The following SLC6A5 variants were observed in gnomAD, a reference collection of about 807,000 sequenced individuals.
The protein encoded by SLC6A5 is solute carrier family 6 member 5.
Under a neutral mutation model 90.5 loss-of-function variants are expected in SLC6A5, and 58 were observed. The observed-to-expected ratio is 0.64, with a 90% CI of 0.52 to 0.80. The LOEUF is 0.80. Ranked by LOEUF, SLC6A5 falls within the 30% of genes least tolerant of loss-of-function variation. The pLI, the probability that SLC6A5 is intolerant of heterozygous loss-of-function variation, is 0.00. For missense variants in SLC6A5, 1,015 were observed against 1,017.6 expected, an observed-to-expected ratio of 1.00 and a Z score of 0.03; for synonymous variants, 427 against 401.4, an observed-to-expected ratio of 1.06 and a Z score of -0.76.
At chr11:20,612,561 G>A (rs4922785) in intron 5 of SLC6A5, among the ~76,000 whole-genome samples, 152,204 of 152,356 alleles carry the variant, frequency 1, 76,027 homozygotes, top group Non-Finnish European at 1. Flanking sequence ...TCTGTTGCCC[G>A]GGCTGGAGTG....
intron 15 of SLC6A5, among the ~76,000 whole-genome samples, chr11:20,653,049 T>A (rs1286987717): frequency 6.6e-6 from 1 of 152,192 alleles, no homozygotes; most frequent in East Asian, 1.9e-4. Flanking sequence ...CCATCTCTAA[T>A]GTGAAGAATC....
chr11:20,599,780 G>A, intron 1 of SLC6A5, 105 bp downstream of exon 1: 1 of 1,320,038 alleles, frequency 7.6e-7, no homozygotes, highest in Non-Finnish European at 1.1e-6. Flanking sequence ...CATTGGGTGG[G>A]GGGAAAGGGG....
chr11:20,653,377 C>G (rs755849942), intron 15 of SLC6A5, among the ~76,000 whole-genome samples: 1 of 152,284 alleles, frequency 6.6e-6, no homozygotes, highest in South Asian at 2.1e-4. Context: ...GTTTAACAAG[C>G]CCCCTCGTTA....
rs551746847 is a variant in SLC6A5 at position 20,626,659 on chromosome 11, C to T, written c.1261-49C>T. ...GAGCAATGCTCCTTCTGCACAGGTG[C>T]ACTCTGCAGGGCTGCTTCTTCCAGC... On this transcript the variant is annotated intron_variant, in intron 7 of 15. Transcript: ENST00000525748. The T allele has an allele frequency of 3.7e-6, 6 of 1,601,442 alleles. No homozygotes were observed. The South Asian group carries it at 6.6e-5, about 18-fold the overall frequency.
chr11:20,634,358 G>A (rs1303710274), intron 10 of SLC6A5, among the ~76,000 whole-genome samples: 2 of 152,220 alleles, frequency 1.3e-5, no homozygotes, highest in Admixed American at 6.5e-5. Context: ...GGAGTCTGCT[G>A]TAATTTAGCT....
At position 20,626,926 on chromosome 11, in the gene SLC6A5, C is replaced by T. The variant is rs192253517; in HGVS notation, c.1395+84C>T. 22 of 1,050,934 alleles carry T rather than the reference C, an allele frequency of 2.1e-5. No homozygotes were observed. The African/African-American group carries it at 2.5e-4, about 12-fold the overall frequency. The allele number at this position is 1,050,934 out of a possible 1,614,324, so 65.1% of individuals were successfully genotyped here. A position where few individuals can be genotyped will look rare whatever the true frequency, so the allele number is the denominator to read the frequency against. ...GGCAAAAAGGGTTAGACTTCCTCCTCCAGGGAATCCCAGTGTGTGCTTTTA... is the reference window on the plus strand; with the variant it reads ...GGCAAAAAGGGTTAGACTTCCTCCTTCAGGGAATCCCAGTGTGTGCTTTTA... On this transcript the variant is annotated intron_variant, in intron 8 of 15. Coordinates refer to ENST00000525748, the MANE Select transcript of SLC6A5 (RefSeq NM_004211.5).
At chr11:20,627,627 A>G (rs1022282458) in intron 8 of SLC6A5, among the ~76,000 whole-genome samples, 1 of 152,164 alleles carries the variant, frequency 6.6e-6, no homozygotes, top group African/African-American at 2.4e-5. Context: ...TTGATTTTGC[A>G]TCCGTTGTTA....
Position 20,604,271 on chromosome 11 carries a change from C to A in SLC6A5, c.541-15C>A, listed in dbSNP as rs546551639. On this transcript the variant is annotated splice_polypyrimidine_tract_variant and intron_variant, in intron 2 of 15. Transcript: ENST00000525748. ...ACTCGGGGCTGTTATCGACAATGTG[C>A]TTTTCCGCCCCCAGGAGGACGAGCA... 23 of 1,603,764 alleles carry A rather than the reference C, an allele frequency of 1.4e-5. No individual in the cohort carries two copies. The highest frequency in any genetic ancestry group is 1.7e-4 in the Middle Eastern group (1 of 6,020).
chr11:20,614,001 G>A (rs894134625), intron 5 of SLC6A5, among the ~76,000 whole-genome samples: 7 of 152,132 alleles, frequency 4.6e-5, no homozygotes, highest in Non-Finnish European at 7.4e-5. Flanking sequence ...CTCATCCCCA[G>A]TTGAGCACCA....
At position 20,652,357 on chromosome 11, in the gene SLC6A5, G is replaced by A; in HGVS notation, c.2139G>A (p.Trp713Ter). ...ATGGCTCTTACCGCTATCCTAACTGGTCCATGGTGCTCGGATGGCTAATGC... is the reference window on the plus strand; with the variant it reads ...ATGGCTCTTACCGCTATCCTAACTGATCCATGGTGCTCGGATGGCTAATGC... The part of the protein sequence containing the change: ...MTYGSYRYPN[W>*]SMVLGWLMLA... The change falls in exon 15 of 16, where the codon TGG becomes TGA. Residue 713 changes from tryptophan to a stop codon, truncating the protein, a stop_gained. Coordinates refer to ENST00000525748, the MANE Select transcript of SLC6A5 (RefSeq NM_004211.5). LOFTEE classifies it high-confidence loss of function. The A allele has an allele frequency of 6.2e-7, 1 of 1,614,032 alleles. No individual in the cohort carries two copies. Among genetic ancestry groups the A allele is most frequent in the Non-Finnish European group, 8.5e-7 (1 of 1,179,974 alleles).
At chr11:20,600,114 T>C (rs1852429544) in intron 1 of SLC6A5, among the ~76,000 whole-genome samples, 1 of 152,112 alleles carries the variant, frequency 6.6e-6, no homozygotes, top group African/African-American at 2.4e-5. Context: ...GGATTATTCT[T>C]ACAGTGTAAT....
At chr11:20,608,942 C>CTGTGTGTGTG (rs1852637507) in intron 5 of SLC6A5, among the ~76,000 whole-genome samples, 2 of 117,854 alleles carry the variant, frequency 1.7e-5, no homozygotes, top group Non-Finnish European at 3.6e-5. Flanking sequence ...CTCTCTCTCT[C>CTGTGTGTGTG]TCTCTCTCTC....
chr11:20,649,609 A>G (rs1435107644), intron 14 of SLC6A5, among the ~76,000 whole-genome samples: 5 of 152,214 alleles, frequency 3.3e-5, no homozygotes, highest in Non-Finnish European at 7.3e-5. Flanking sequence ...GTGTGCTGGA[A>G]TAGGCTAAGA....
Position 20,659,081 on chromosome 11 carries a change from A to C in SLC6A5, c.*4213A>C, listed in dbSNP as rs572529987. 3.4e-4 allele frequency: 45 copies of C among 134,194 alleles called. No homozygotes were observed. The highest frequency in any genetic ancestry group is 1.1e-3 in the African/African-American group (41 of 36,010). The allele number at this position is 134,194 out of a possible 1,614,324, so 8.3% of individuals were successfully genotyped here. A position where few individuals can be genotyped will look rare whatever the true frequency, so the allele number is the denominator to read the frequency against. On this transcript the variant is annotated 3_prime_UTR_variant, in exon 16 of 16. Transcript: ENST00000525748. ...TATATATATATATATATATATATAT[A>C]TCTTATAGATTACATATTATATACT...
At chr11:20,618,907 A>G (rs1852835780) in intron 7 of SLC6A5, among the ~76,000 whole-genome samples, 2 of 151,600 alleles carry the variant, frequency 1.3e-5, no homozygotes, top group African/African-American at 4.8e-5. Context: ...ACTGCACTTC[A>G]GAGTGACAGG....
chr11:20,601,878 G>C (rs1039953487), intron 2 of SLC6A5, among the ~76,000 whole-genome samples: 1 of 152,224 alleles, frequency 6.6e-6, no homozygotes, highest in African/African-American at 2.4e-5. Context: ...CCTGCCAGAG[G>C]GGCCACGACC....
rs1475481235 is a variant in SLC6A5, at chr11:20,655,681, A to G, written c.*813A>G. ...AGTAGAGCTCCATGCTCATTTCTAC[A>G]TGATATTTAGCACCATGGTTCAATG... On this transcript the variant is annotated 3_prime_UTR_variant, in exon 16 of 16. Transcript: ENST00000525748. The G allele has an allele frequency of 1.3e-5, 2 of 152,238 alleles. No homozygotes were observed. The highest frequency in any genetic ancestry group is 4.8e-5 in the African/African-American group (2 of 41,434). 9.4% of individuals were successfully genotyped at this position (152,238 alleles called of 1,614,324 possible).
chr11:20,615,260 T>A (rs545338243), intron 6 of SLC6A5, among the ~76,000 whole-genome samples: 1 of 152,246 alleles, frequency 6.6e-6, no homozygotes, highest in Admixed American at 6.5e-5. Context: ...TATTTTTTAA[T>A]ATCAGTATTG....
rs200241720 is a variant in SLC6A5, at chr11:20,599,632, G to T, written c.-41G>T. ...CCAAACCCAGTCTTGTCAATAGCGG[G>T]TTTCACCCTCCACCAGTTCAGTCTG... On this transcript the variant is annotated 5_prime_UTR_variant, in exon 1 of 16. Transcript: ENST00000525748. The T allele has an allele frequency of 9.4e-5, 151 of 1,613,984 alleles. 1 individual carries two copies. In the East Asian group the frequency reaches 3.0e-3, roughly 32 times the overall value.
Sources: allele counts gnomAD v4.1 joint callset (sites outside exome capture counted in the v4.1 genomes callset), GRCh38; gene constraint gnomAD v4.1.1; transcripts MANE v1.5; gene names NCBI Gene and HGNC (gene_info 2026-07-23, HGNC 2026-07-21).